Variants in SNX24 observed in about 807,000 individuals in gnomAD.
SNX24 encodes the protein sorting nexin 24.
SNX24 carries 22 observed loss-of-function variants against 28.7 expected under a neutral mutation model. The ratio of observed to expected loss-of-function variants is 0.77; its 90% CI spans 0.55 to 1.10. SNX24 has a LOEUF of 1.10. Ranked by LOEUF, SNX24 falls within the 50% of genes least tolerant of loss-of-function variation. SNX24 has a pLI of 0.00. For missense variants in SNX24, 221 were observed against 201.1 expected, an observed-to-expected ratio of 1.10 and a Z score of -0.60; for synonymous variants, 69 against 71.5, an observed-to-expected ratio of 0.96 and a Z score of 0.18.
At chr5:122,955,930 A>G (rs1561652821) in intron 3 of SNX24, among the ~76,000 whole-genome samples, 1 of 152,082 alleles carries the variant, frequency 6.6e-6, no homozygotes, top group South Asian at 2.1e-4. Flanking sequence ...CCATGAGTAG[A>G]GGTGAGGGCC....
At chr5:122,941,082 G>C (rs575529919) in intron 2 of SNX24, among the ~76,000 whole-genome samples, 1 of 152,212 alleles carries the variant, frequency 6.6e-6, no homozygotes, top group Admixed American at 6.5e-5. Flanking sequence ...TCTGATTCAT[G>C]CAGATAAGTA....
chr5:122,954,508 C>T (rs1760118169), intron 3 of SNX24, among the ~76,000 whole-genome samples: 1 of 151,278 alleles, frequency 6.6e-6, no homozygotes, highest in Admixed American at 6.6e-5. Context: ...GGATTGGTGA[C>T]CAATACTGTT....
At chr5:123,023,838 C>CA (rs776662400) in intron 5 of SNX24, 4 of 1,311,162 alleles carry the variant, frequency 3.1e-6, no homozygotes, top group South Asian at 2.5e-5. Flanking sequence ...ACACACACAC[C>CA]CCTGCCAAAG....
intron 3 of SNX24, among the ~76,000 whole-genome samples, chr5:122,957,855 G>T (rs1157743453): frequency 6.6e-6 from 1 of 152,028 alleles, no homozygotes; most frequent in Non-Finnish European, 1.5e-5. Flanking sequence ...AAATGTAATT[G>T]ATTTTTATGT....
At chr5:122,937,858 G>A (rs1759243865) in intron 2 of SNX24, among the ~76,000 whole-genome samples, 1 of 152,142 alleles carries the variant, frequency 6.6e-6, no homozygotes, top group Admixed American at 6.5e-5. Context: ...AAACAAACCT[G>A]GAGTCTGGGG....
intron 1 of SNX24, among the ~76,000 whole-genome samples, chr5:122,849,834 G>A (rs1165575618): frequency 6.6e-6 from 1 of 152,174 alleles, no homozygotes; most frequent in South Asian, 2.1e-4. Context: ...ACAGAATTCA[G>A]TACATGTCTG....
At chr5:122,968,961 T>C (rs1418700969) in intron 3 of SNX24, among the ~76,000 whole-genome samples, 1 of 152,112 alleles carries the variant, frequency 6.6e-6, no homozygotes, top group African/African-American at 2.4e-5. Flanking sequence ...ATATGTTAAA[T>C]ATAAATAACC....
At chr5:122,941,370 C>T (rs1222078174) in intron 2 of SNX24, among the ~76,000 whole-genome samples, 1 of 152,152 alleles carries the variant, frequency 6.6e-6, no homozygotes, top group African/African-American at 2.4e-5. Flanking sequence ...TCAGTGACAG[C>T]TGAGCCAATA....
chr5:122,908,008 T>A (rs1757721447), intron 1 of SNX24, among the ~76,000 whole-genome samples: 1 of 152,160 alleles, frequency 6.6e-6, no homozygotes, highest in Admixed American at 6.5e-5. Flanking sequence ...TTGCAAGTGT[T>A]CACGAACAAA....
At chr5:122,932,858 C>CAAAAAAAAAAAAAAAA (rs57930558) in intron 1 of SNX24, among the ~76,000 whole-genome samples, 17 of 87,980 alleles carry the variant, frequency 1.9e-4, no homozygotes, top group Non-Finnish European at 2.4e-4. Context: ...GACTCTGTCT[C>CAAAAAAAAAAAAAAAA]AAAAAAAAAA....
intron 1 of SNX24, among the ~76,000 whole-genome samples, chr5:122,929,226 A>G (rs1423193878): frequency 2.6e-5 from 4 of 151,970 alleles, no homozygotes; most frequent in African/African-American, 9.7e-5. Context: ...CCGGCCTCTC[A>G]CCTGCTGCTT....
At chr5:122,927,189 T>C (rs1758737157) in intron 1 of SNX24, among the ~76,000 whole-genome samples, 1 of 152,288 alleles carries the variant, frequency 6.6e-6, no homozygotes, top group East Asian at 1.9e-4. Flanking sequence ...CTGAGGCTTG[T>C]ACAGGTTAAA....
At chr5:122,878,149 C>G (rs948378069) in intron 1 of SNX24, among the ~76,000 whole-genome samples, 1 of 151,930 alleles carries the variant, frequency 6.6e-6, no homozygotes, top group Non-Finnish European at 1.5e-5. Context: ...CTTTTTGGGA[C>G]CCGGGGTGGG....
intron 6 of SNX24, 34 bp from the exon 7 acceptor site, chr5:123,007,648 C>CTTTTTTTTTTTTTT: frequency 1.4e-6 from 2 of 1,389,030 alleles, no homozygotes; most frequent in Non-Finnish European, 2.0e-6. Context: ...AGCAGTTTTT[C>CTTTTTTTTTTTTTT]TTTTTTTTTT....
intron 1 of SNX24, among the ~76,000 whole-genome samples, chr5:122,872,473 G>A (rs1325984100): frequency 6.6e-6 from 1 of 151,844 alleles, no homozygotes; most frequent in African/African-American, 2.4e-5. Context: ...TTGTAAGTAC[G>A]GCCATCCCTC....
At chr5:122,925,326 C>A (rs1031612364) in intron 1 of SNX24, among the ~76,000 whole-genome samples, 1 of 148,478 alleles carries the variant, frequency 6.7e-6, no homozygotes, top group Non-Finnish European at 1.5e-5. Flanking sequence ...CAGTCTCAAC[C>A]CCCTGGGCTC....
intron 1 of SNX24, 56 bp downstream of exon 1, chr5:122,845,749 G>A (rs1411437301): frequency 3.5e-6 from 4 of 1,145,742 alleles, no homozygotes; most frequent in African/African-American, 1.6e-5. Flanking sequence ...CGGCTGCTGC[G>A]CCCAGGAAAC....
chr5:123,010,625 TA>T (rs1308709794), downstream of SNX24, among the ~76,000 whole-genome samples: 3 of 152,138 alleles, frequency 2.0e-5, no homozygotes, highest in South Asian at 6.2e-4. Context: ...GAAAATTTAA[TA>T]AAAAATATAT....
chr5:122,867,851 C>T (rs564593059), intron 1 of SNX24, among the ~76,000 whole-genome samples: 38 of 152,280 alleles, frequency 2.5e-4, no homozygotes, highest in Admixed American at 1.2e-3. Context: ...TCTTCCAAGT[C>T]GTATTCCTTC....
Sources: allele counts gnomAD v4.1 joint callset (sites outside exome capture counted in the v4.1 genomes callset), GRCh38; gene constraint gnomAD v4.1.1; transcripts MANE v1.5; gene names NCBI Gene and HGNC (gene_info 2026-07-23, HGNC 2026-07-21).